Variants in ZNF292 observed in about 807,000 individuals in gnomAD.
ZNF292 encodes 16 zinc-finger domain protein.
Under a neutral mutation model 217.9 loss-of-function variants are expected in ZNF292, and 26 were observed. The observed-to-expected ratio is 0.12, with a 90% confidence interval of 0.09 to 0.17. The LOEUF is 0.17. Ranked by LOEUF, ZNF292 falls within the 10% of genes least tolerant of loss-of-function variation. The probability of loss-of-function intolerance (pLI) is 1.00; values close to 1 mark genes in which losing one functional copy is unlikely to be tolerated. For missense variants in ZNF292, 2,904 were observed against 3,175.2 expected (o/e 0.91, Z 2.05); for synonymous variants, 1,257 against 1,124.1 (o/e 1.12, Z -2.37).
At position 87,256,366 on chromosome 6, in the gene ZNF292, G is replaced by C. The variant is rs1006759111; in HGVS notation, c.2737G>C (p.Ala913Pro). Residue 913 changes from alanine (A) to proline (P), a missense_variant, in exon 8 of 8, where the codon GCT (alanine) becomes CCT (proline). By Grantham distance (27) the Ala-to-Pro change is conservative. Around this residue, in one of 15 missense-constraint regions of ZNF292, gnomAD observed 687 missense variants for 623.0 expected, o/e 1.10. Transcript: ENST00000369577. Reference protein sequence around the residue: ...DQISASELRQANGPLSNGLEN... With the variant: ...DQISASELRQPNGPLSNGLEN... Reference sequence around the variant, plus strand: ...GATTTCTGCCTCTGAGCTCAGGCAAGCTAATGGACCATTGTCAAATGGTTT... The same window carrying C: ...GATTTCTGCCTCTGAGCTCAGGCAACCTAATGGACCATTGTCAAATGGTTT... The C allele has an allele frequency of 2.5e-6, 4 of 1,610,558 alleles. No individual in the cohort carries two copies. In the African/African-American group the frequency reaches 5.3e-5, roughly 21 times the overall value.
At chr6:87,241,056 A>C (rs1475415144) in intron 5 of ZNF292, among the ~76,000 whole-genome samples, 3 of 152,156 alleles carry the variant, frequency 2.0e-5, no homozygotes, top group Non-Finnish European at 4.4e-5. Flanking sequence ...AGGCCGAGGC[A>C]GGTGGATCAC....
chr6:87,166,367 A>T lies in ZNF292; in HGVS notation c.168+10608A>T, dbSNP rs190425118. On this transcript the variant is annotated intron_variant, in intron 1 of 7. Coordinates refer to ENST00000369577, the MANE Select transcript of ZNF292 (RefSeq NM_015021.3). ...TTTGGGTTCAACTATGAGCTCCCCC[A>T]CAATCTGGGAGAAATATTTAGCTCT... is the stretch of plus-strand genomic sequence containing the variant. Among the ~76,000 whole-genome samples, 238 of 152,326 alleles carry T rather than the reference A, an allele frequency of 1.6e-3. No homozygotes were observed. In the Middle Eastern group the frequency reaches 0.017, roughly 11 times the overall value.
chr6:87,176,134 C>T (rs536893596), intron 1 of ZNF292, among the ~76,000 whole-genome samples: 169 of 152,198 alleles, frequency 1.1e-3, no homozygotes, highest in South Asian at 4.1e-3. Context: ...TCACTAGGTT[C>T]GTGGCTGAGT....
Position 87,260,951 on chromosome 6 carries a change from A to C in ZNF292, c.7322A>C (p.Gln2441Pro). 1 of 1,610,696 alleles carries C rather than the reference A, an allele frequency of 6.2e-7. No homozygotes were observed. The highest frequency in any genetic ancestry group is 2.2e-5 in the East Asian group (1 of 44,784). ...CNSQVKETSE[Q>P]EGAKNDVKDS... is the part of the protein sequence containing the mutation. Reference sequence around the variant, plus strand: ...TCACAAGTAAAGGAAACGTCTGAGCAAGAAGGTGCTAAGAATGATGTGAAA... The same window carrying C: ...TCACAAGTAAAGGAAACGTCTGAGCCAGAAGGTGCTAAGAATGATGTGAAA... The change falls in exon 8 of 8, where the codon CAA becomes CCA. Residue 2441 changes from glutamine to proline, a missense_variant. Physicochemically the swap from Gln to Pro is moderately conservative, Grantham distance 76. Coordinates refer to ENST00000369577, the MANE Select transcript of ZNF292 (RefSeq NM_015021.3).
intron 7 of ZNF292, among the ~76,000 whole-genome samples, chr6:87,247,617 G>C (rs1774670272): frequency 6.6e-6 from 1 of 152,140 alleles, no homozygotes; most frequent in Non-Finnish European, 1.5e-5. Flanking sequence ...AACTGCTTTA[G>C]GAGGGACATA....
intron 5 of ZNF292, among the ~76,000 whole-genome samples, chr6:87,236,405 T>TTTTA (rs199969506): frequency 7.0e-6 from 1 of 143,846 alleles, no homozygotes; most frequent in Non-Finnish European, 1.5e-5. Flanking sequence ...TTTTTTTTTT[T>TTTTA]AAAAAAGAAA....
chr6:87,214,872 T>A (rs1470546309), intron 1 of ZNF292: 1 of 152,076 alleles, frequency 6.6e-6, no homozygotes, highest in Admixed American at 6.6e-5. Flanking sequence ...AGGTAGTAAG[T>A]GCTTTGGTAG....
Position 87,169,129 on chromosome 6 carries a change from G to A in ZNF292, c.168+13370G>A, listed in dbSNP as rs149651255. 4.8e-3 allele frequency among the ~76,000 whole-genome samples: 731 copies of A among 151,932 alleles called. 3 individuals carry two copies. Among genetic ancestry groups the A allele is most frequent in the African/African-American group, 0.017 (696 of 41,424 alleles). ...ACCATCTCGGCTCACTGCAGCCTCCGCCTCCCGGGTTCAAGCGATTCTTGT... is the reference window on the plus strand; with the variant it reads ...ACCATCTCGGCTCACTGCAGCCTCCACCTCCCGGGTTCAAGCGATTCTTGT... On this transcript the variant is annotated intron_variant, in intron 1 of 7. Transcript: ENST00000369577.
At chr6:87,209,880 G>C (rs1772409705) in intron 1 of ZNF292, among the ~76,000 whole-genome samples, 1 of 152,130 alleles carries the variant, frequency 6.6e-6, no homozygotes, top group African/African-American at 2.4e-5. Flanking sequence ...AGAGTAAAGA[G>C]TCATGAGATC....
At chr6:87,192,686 T>C (rs185593760) in intron 1 of ZNF292, among the ~76,000 whole-genome samples, 47 of 152,338 alleles carry the variant, frequency 3.1e-4, no homozygotes, top group African/African-American at 1.1e-3. Context: ...TGGAATTATA[T>C]ACTTCGTTGC....
At chr6:87,159,119 G>A (rs1051861893) in intron 1 of ZNF292, among the ~76,000 whole-genome samples, 5 of 152,292 alleles carry the variant, frequency 3.3e-5, no homozygotes, top group East Asian at 1.9e-4. Flanking sequence ...CTTATGATCC[G>A]TAGTTTATAG....
chr6:87,252,220 C>T (rs1449442561), intron 7 of ZNF292, among the ~76,000 whole-genome samples: 2 of 151,344 alleles, frequency 1.3e-5, no homozygotes. Context: ...GGTGCAGTCT[C>T]GGCTCACTGC....
chr6:87,167,244 C>T (rs1221968935), intron 1 of ZNF292, among the ~76,000 whole-genome samples: 1 of 152,222 alleles, frequency 6.6e-6, no homozygotes, highest in Non-Finnish European at 1.5e-5. Context: ...TTTGCTGTCA[C>T]TTCAGCGAAA....
chr6:87,159,140 TTGAG>T, intron 1 of ZNF292, among the ~76,000 whole-genome samples: 1 of 152,336 alleles, frequency 6.6e-6, no homozygotes, highest in South Asian at 2.1e-4. Flanking sequence ...ATTTTTATTT[TTGAG>T]TGAGGTAGAA....
At chr6:87,178,612 ATTAT>A (rs976219441) in intron 1 of ZNF292, among the ~76,000 whole-genome samples, 38 of 152,164 alleles carry the variant, frequency 2.5e-4, no homozygotes, top group African/African-American at 8.2e-4. Context: ...AGAGAGGGAA[ATTAT>A]TTATTTAGTC....
intron 1 of ZNF292, among the ~76,000 whole-genome samples, chr6:87,206,710 T>C (rs1349728889): frequency 3.3e-5 from 5 of 152,208 alleles, no homozygotes; most frequent in Admixed American, 2.0e-4. Context: ...CAGTTTTGTT[T>C]TATTACAATA....
At chr6:87,246,509 T>A (rs1774591342) in intron 7 of ZNF292, among the ~76,000 whole-genome samples, 1 of 152,200 alleles carries the variant, frequency 6.6e-6, no homozygotes, top group African/African-American at 2.4e-5. Flanking sequence ...ATGTTGCTTC[T>A]TGCAGTGACT....
At chr6:87,169,573 T>C (rs1247467324) in intron 1 of ZNF292, 20 of 319,340 alleles carry the variant, frequency 6.3e-5, no homozygotes, top group Admixed American at 2.8e-4. Context: ...ATTTGTGATA[T>C]TGAGAAAATT....
intron 1 of ZNF292, among the ~76,000 whole-genome samples, chr6:87,178,031 C>G (rs1771357059): frequency 6.6e-6 from 1 of 151,224 alleles, no homozygotes; most frequent in Non-Finnish European, 1.5e-5. Flanking sequence ...CCTTAGCTTT[C>G]TCCTTTAGTG....
Sources: gnomAD v4.1 joint callset for allele counts (sites outside exome capture counted in the v4.1 genomes callset) on GRCh38, gnomAD v4.1.1 for gene constraint, gnomAD v4.1.1 regional missense constraint, MANE v1.5 for transcripts, NCBI Gene and HGNC (gene_info 2026-07-23, HGNC 2026-07-21) for gene names.